MAGI2: variants seen among roughly 807,000 people sequenced by gnomAD.
MAGI2 encodes membrane associated guanylate kinase, WW and PDZ domain containing 2, also known as membrane-associated guanylate kinase, WW and PDZ domain-containing protein 2.
MAGI2 carries 35 observed loss-of-function variants against 133.3 expected under a neutral mutation model. That is an observed-to-expected ratio of 0.26 (90% CI 0.20 to 0.35). The LOEUF (loss-of-function observed/expected upper bound fraction) is 0.35. Ranked by LOEUF, MAGI2 falls within the 10% of genes least tolerant of loss-of-function variation. The pLI is 1.00. For synonymous variants in MAGI2, 729 were observed against 710.6 expected (o/e 1.03, Z -0.41); for missense variants, 1,636 against 1,863.4 (o/e 0.88, Z 2.25).
intron 2 of MAGI2, among the ~76,000 whole-genome samples, chr7:79,006,091 G>T (rs1423875142): frequency 6.6e-6 from 1 of 152,042 alleles, no homozygotes; most frequent in African/African-American, 2.4e-5. Context: ...ATCTCTGTGT[G>T]TTTTCATTAT....
intron 1 of MAGI2, among the ~76,000 whole-genome samples, chr7:79,363,433 C>G (rs1423364079): frequency 1.3e-5 from 2 of 149,734 alleles, no homozygotes; most frequent in Non-Finnish European, 3.0e-5. Context: ...ATCAAAATTC[C>G]ACCAAGGCTT....
intron 10 of MAGI2, chr7:78,254,999 C>T (rs538160451): frequency 6.6e-6 from 1 of 152,364 alleles, no homozygotes; most frequent in East Asian, 1.9e-4. Context: ...TTTCAGTGTC[C>T]TAAGTCCACA....
chr7:78,337,483 G>C lies in MAGI2; in HGVS notation c.1408+6295C>G, dbSNP rs563865685. On this transcript the variant is annotated intron_variant, in intron 9 of 21. Coordinates refer to ENST00000354212, the MANE Select transcript of MAGI2 (RefSeq NM_012301.4). ...ACCCTGGTTCAAACTTTTTGGTACA[G>C]AGGATTTTTCTTTGTGCCTACACAA... Among the ~76,000 whole-genome samples, 23 of 152,312 alleles carry C rather than the reference G, an allele frequency of 1.5e-4. No individual in the cohort carries two copies. The South Asian group carries it at 4.6e-3, about 30-fold the overall frequency.
At chr7:78,655,734 C>A (rs1342752839) in intron 2 of MAGI2, among the ~76,000 whole-genome samples, 1 of 152,048 alleles carries the variant, frequency 6.6e-6, no homozygotes, top group East Asian at 1.9e-4. Context: ...GTAATCCCAG[C>A]ACTTTGGGAG....
intron 6 of MAGI2, among the ~76,000 whole-genome samples, chr7:78,453,637 C>T (rs1176149780): frequency 6.6e-6 from 1 of 152,180 alleles, no homozygotes; most frequent in Non-Finnish European, 1.5e-5. Flanking sequence ...ACCTCCAGAT[C>T]CCCATTGGGT....
chr7:78,813,156 A>C (rs944845328), intron 2 of MAGI2, among the ~76,000 whole-genome samples: 1 of 152,236 alleles, frequency 6.6e-6, no homozygotes, highest in African/African-American at 2.4e-5. Flanking sequence ...AAATTTACCC[A>C]AACTATTCCA....
intron 9 of MAGI2, among the ~76,000 whole-genome samples, chr7:78,331,705 C>T (rs1268197668): frequency 1.3e-5 from 2 of 152,000 alleles, no homozygotes; most frequent in Non-Finnish European, 2.9e-5. Flanking sequence ...TTTTAAAATG[C>T]CAATTTTATA....
chr7:78,931,189 A>C (rs1800089116), intron 2 of MAGI2, among the ~76,000 whole-genome samples: 2 of 152,116 alleles, frequency 1.3e-5, no homozygotes, highest in African/African-American at 4.8e-5. Context: ...AGTGGCAGTC[A>C]TTCTTATAGG....
At chr7:79,133,815 G>A (rs1051561900) in intron 1 of MAGI2, among the ~76,000 whole-genome samples, 8 of 152,126 alleles carry the variant, frequency 5.3e-5, no homozygotes, top group African/African-American at 1.9e-4. Context: ...CGCTCAAAGT[G>A]AGCATCAAAC....
intron 1 of MAGI2, chr7:79,410,585 A>G (rs2129170871): frequency 6.6e-6 from 1 of 152,230 alleles, no homozygotes; most frequent in South Asian, 2.1e-4. Context: ...ACTAATCTCA[A>G]TGATTTGTCA....
chr7:78,889,675 T>C (rs559453131), intron 2 of MAGI2, among the ~76,000 whole-genome samples: 1 of 152,178 alleles, frequency 6.6e-6, no homozygotes, highest in South Asian at 2.1e-4. Context: ...GACAAGCAAA[T>C]ACTGAGAGAT....
chr7:78,163,931 C>A (rs1472092691), intron 15 of MAGI2, among the ~76,000 whole-genome samples: 2 of 148,800 alleles, frequency 1.3e-5, no homozygotes, highest in African/African-American at 4.9e-5. Flanking sequence ...AAATTAATTG[C>A]CAATGTTTGT....
intron 16 of MAGI2, among the ~76,000 whole-genome samples, chr7:78,136,763 T>C (rs879396191): frequency 6.6e-6 from 1 of 152,256 alleles, no homozygotes; most frequent in Non-Finnish European, 1.5e-5. Context: ...GGATGTCTAG[T>C]CCTTGAACTC....
intron 5 of MAGI2, 101 bp from the exon 6 acceptor site, chr7:78,489,941 C>T (rs1793445843): frequency 3.7e-6 from 3 of 800,774 alleles, no homozygotes; most frequent in Non-Finnish European, 4.1e-6. Context: ...AAATTGCAAT[C>T]GATACACTTA....
In MAGI2 at chr7:78,923,402, T is replaced by A. The variant is rs1405025501; in HGVS notation, c.418+83688A>T. 2.0e-5 allele frequency among the ~76,000 whole-genome samples: 3 copies of A among 152,242 alleles called. No individual in the cohort carries two copies. In the East Asian group the frequency reaches 5.8e-4, roughly 29 times the overall value. ...GTAAGGAAGGGATCCAGCTTCAGATTTCTACATATGGCTAGCCAGTTTTCC... is the reference window on the plus strand; with the variant it reads ...GTAAGGAAGGGATCCAGCTTCAGATATCTACATATGGCTAGCCAGTTTTCC... On this transcript the variant is annotated intron_variant, in intron 2 of 21. Coordinates refer to ENST00000354212, the MANE Select transcript of MAGI2 (RefSeq NM_012301.4).
At chr7:78,487,651 A>G (rs1793177416) in intron 6 of MAGI2, among the ~76,000 whole-genome samples, 2 of 152,060 alleles carry the variant, frequency 1.3e-5, no homozygotes, top group South Asian at 4.1e-4. Flanking sequence ...AACAGGGCAA[A>G]CTCAACCCAA....
intron 1 of MAGI2, among the ~76,000 whole-genome samples, chr7:79,111,652 T>C (rs945668273): frequency 7.9e-5 from 12 of 151,984 alleles, no homozygotes; most frequent in Admixed American, 6.6e-4. Flanking sequence ...GTTGTCCAAA[T>C]AGAGACTTTT....
chr7:79,247,392 AC>A (rs1224279750), intron 1 of MAGI2, among the ~76,000 whole-genome samples: 1 of 152,136 alleles, frequency 6.6e-6, no homozygotes, highest in Admixed American at 6.5e-5. Context: ...AGTTAGGAGG[AC>A]CGCTTGAGCC....
intron 1 of MAGI2, among the ~76,000 whole-genome samples, chr7:79,212,080 A>G (rs111347889): frequency 0.026 from 3,930 of 152,196 alleles, 84 homozygotes; most frequent in East Asian, 0.04. Context: ...ATTATTACAG[A>G]AAAACCACAT....
Sources: allele counts gnomAD v4.1 joint callset (sites outside exome capture counted in the v4.1 genomes callset), GRCh38; gene constraint gnomAD v4.1.1; transcripts MANE v1.5; gene names NCBI Gene and HGNC (gene_info 2026-07-23, HGNC 2026-07-21).